The following TTC29 variants were observed in gnomAD, a reference collection of about 807,000 sequenced individuals.
TTC29 encodes the protein tetratricopeptide repeat domain 29.
Under a neutral mutation model 58.1 loss-of-function variants are expected in TTC29, and 49 were observed. That is an observed-to-expected ratio of 0.84 (90% CI 0.67 to 1.07). The LOEUF (loss-of-function observed/expected upper bound fraction) is 1.07. Among genes scored for constraint, TTC29 ranks in the 50% least tolerant of loss-of-function variants. The pLI, the probability that TTC29 is intolerant of heterozygous loss-of-function variation, is 0.00. For missense variants in TTC29, 582 were observed against 555.6 expected (o/e 1.05, Z -0.48); for synonymous variants, 209 against 196.8 (o/e 1.06, Z -0.52).
At chr4:146,805,591 A>G (rs892874852) in intron 10 of TTC29, among the ~76,000 whole-genome samples, 5 of 152,006 alleles carry the variant, frequency 3.3e-5, no homozygotes, top group Admixed American at 3.3e-4. Context: ...CGTGAAGCAT[A>G]CAAAAGTATC....
rs373330447 is a variant in TTC29 at position 146,780,302 on chromosome 4, G to GGGGT, written c.1330+23154_1330+23155insACCC. 3.3e-3 allele frequency among the ~76,000 whole-genome samples: 454 copies of GGGGT among 138,534 alleles called. 3 individuals are homozygous for GGGGT. Among genetic ancestry groups the GGGGT allele is most frequent in the African/African-American group, 0.011 (402 of 37,560 alleles). The allele number at this position is 138,534 out of a possible 152,430, so 90.9% of individuals were successfully genotyped here. Reference sequence around the variant, plus strand: ...TTCTGAATGAGTCTTCCTAACTTGGGGTGTGTGTGTGTGTGTGTGTGTGTG... The same window carrying GGGGT: ...TTCTGAATGAGTCTTCCTAACTTGGGGGGTGTGTGTGTGTGTGTGTGTGTGTGTG... On this transcript the variant is annotated intron_variant, in intron 11 of 12. Coordinates refer to ENST00000325106, the MANE Select transcript of TTC29 (RefSeq NM_031956.4).
chr4:146,942,720 A>G, intron 2 of TTC29: 1 of 1,193,660 alleles, frequency 8.4e-7, no homozygotes, highest in Non-Finnish European at 1.2e-6. Context: ...GAAAACAACT[A>G]AGTTTGCCTC....
intron 11 of TTC29, among the ~76,000 whole-genome samples, chr4:146,712,309 A>G (rs1483255156): frequency 6.6e-6 from 1 of 152,188 alleles, no homozygotes; most frequent in African/African-American, 2.4e-5. Context: ...TTTTTTCATT[A>G]AAATCACATT....
chr4:146,837,852 G>A (rs894888559), intron 8 of TTC29, among the ~76,000 whole-genome samples: 1 of 151,874 alleles, frequency 6.6e-6, no homozygotes, highest in African/African-American at 2.4e-5. Flanking sequence ...TAAAATATAA[G>A]TGAATTTGTC....
chr4:146,879,040 T>G (rs1195126095), intron 6 of TTC29, among the ~76,000 whole-genome samples: 2 of 152,136 alleles, frequency 1.3e-5, no homozygotes, highest in Non-Finnish European at 2.9e-5. Flanking sequence ...AGGTCCCTAC[T>G]ACACAGAAGC....
chr4:146,827,237 C>T (rs1727871056), intron 9 of TTC29, among the ~76,000 whole-genome samples: 1 of 152,154 alleles, frequency 6.6e-6, no homozygotes, highest in East Asian at 1.9e-4. Context: ...GTGGGTCCTG[C>T]CTGCCTTCTA....
intron 9 of TTC29, chr4:146,831,675 ACT>A (rs1561168833): frequency 6.9e-6 from 3 of 434,154 alleles, no homozygotes; most frequent in Non-Finnish European, 9.3e-6. Context: ...TAATTGTTCA[ACT>A]CTTCACTTAG....
chr4:146,736,891 G>T (rs567641088), intron 11 of TTC29, among the ~76,000 whole-genome samples: 1 of 152,264 alleles, frequency 6.6e-6, no homozygotes, highest in Non-Finnish European at 1.5e-5. Flanking sequence ...TGGGCTCCCT[G>T]GGACTGACTC....
chr4:146,876,615 G>A (rs186573653), intron 6 of TTC29, among the ~76,000 whole-genome samples: 2 of 152,202 alleles, frequency 1.3e-5, no homozygotes, highest in Non-Finnish European at 2.9e-5. Context: ...CAGTGGTGGT[G>A]GATAATCAGT....
At chr4:146,758,558 G>A (rs543888042) in intron 11 of TTC29, among the ~76,000 whole-genome samples, 7 of 152,162 alleles carry the variant, frequency 4.6e-5, no homozygotes, top group African/African-American at 1.7e-4. Flanking sequence ...ACAGCGCATG[G>A]AACTTTCTCC....
intron 4 of TTC29, among the ~76,000 whole-genome samples, chr4:146,930,016 T>A (rs1262907147): frequency 1.4e-5 from 2 of 141,172 alleles, no homozygotes; most frequent in Non-Finnish European, 3.0e-5. Context: ...CACACAAACA[T>A]GCACACATAC....
intron 4 of TTC29, among the ~76,000 whole-genome samples, chr4:146,936,689 C>A (rs1208704141): frequency 1.3e-5 from 2 of 151,928 alleles, no homozygotes; most frequent in Non-Finnish European, 2.9e-5. Context: ...TGCAAATTGA[C>A]AAAGATAATA....
chr4:146,821,985 G>GTTTTTTTTTTTTTTTTTTTTTT (rs34100285), intron 9 of TTC29, among the ~76,000 whole-genome samples: 3 of 109,592 alleles, frequency 2.7e-5, no homozygotes, highest in Non-Finnish European at 5.5e-5. Flanking sequence ...CATGTCTAGT[G>GTTTTTTTTTTTTTTTTTTTTTT]TTTTTTTTTT....
At chr4:146,872,719 G>A (rs569674118) in intron 7 of TTC29, among the ~76,000 whole-genome samples, 3 of 152,090 alleles carry the variant, frequency 2.0e-5, no homozygotes, top group African/African-American at 7.2e-5. Context: ...TGAGTATAAT[G>A]AAGAAGATAA....
intron 4 of TTC29, among the ~76,000 whole-genome samples, chr4:146,931,985 T>TCTGCTTTTTCTTCTTC (rs1735369157): frequency 6.6e-6 from 1 of 152,186 alleles, no homozygotes; most frequent in African/African-American, 2.4e-5. Flanking sequence ...CCTTCTTCTT[T>TCTGCTTTTTCTTCTTC]CTGCTTTTTC....
chr4:146,924,350 G>T (rs1290985869), intron 4 of TTC29, among the ~76,000 whole-genome samples: 1 of 151,692 alleles, frequency 6.6e-6, no homozygotes, highest in African/African-American at 2.4e-5. Flanking sequence ...TTCCCCTAAT[G>T]TTAGGTAGAA....
At chr4:146,943,319 G>T (rs1371414092) in intron 2 of TTC29, among the ~76,000 whole-genome samples, 3 of 151,596 alleles carry the variant, frequency 2.0e-5, no homozygotes, top group Non-Finnish European at 4.4e-5. Context: ...TTAGTTTAAT[G>T]TAAGTACTGC....
At chr4:146,790,762 C>T (rs1007615201) in intron 11 of TTC29, among the ~76,000 whole-genome samples, 3 of 152,170 alleles carry the variant, frequency 2.0e-5, no homozygotes, top group Non-Finnish European at 4.4e-5. Flanking sequence ...GAAGCTGGGA[C>T]TTGCTAAGCA....
At chr4:146,726,301 A>C (rs1743777202) in intron 11 of TTC29, among the ~76,000 whole-genome samples, 1 of 152,126 alleles carries the variant, frequency 6.6e-6, no homozygotes, top group Non-Finnish European at 1.5e-5. Flanking sequence ...AAAAATTCAA[A>C]AAGTAGGTGG....
Sources: gnomAD v4.1 joint callset for allele counts (sites outside exome capture counted in the v4.1 genomes callset) on GRCh38, gnomAD v4.1.1 for gene constraint, MANE v1.5 for transcripts, NCBI Gene and HGNC (gene_info 2026-07-23, HGNC 2026-07-21) for gene names.